CALM2: variants seen among roughly 807,000 people sequenced by gnomAD.
CALM2 encodes calmodulin-2.
Under a neutral mutation model 19.8 loss-of-function variants are expected in CALM2, and 2 were observed. The observed-to-expected ratio is 0.10, with a 90% CI of 0.04 to 0.32. CALM2 has a LOEUF of 0.32. Ranked by LOEUF, CALM2 falls within the 10% of genes least tolerant of loss-of-function variation. The pLI is 1.00. For synonymous variants in CALM2, 51 were observed against 52.1 expected, an observed-to-expected ratio of 0.98 and a Z score of 0.09; for missense variants, 38 against 178.7, an observed-to-expected ratio of 0.21 and a Z score of 4.49.
intron 1 of CALM2, chr2:47,173,095 G>C (rs2103850335): frequency 6.6e-6 from 1 of 152,288 alleles, no homozygotes; most frequent in East Asian, 1.9e-4. Flanking sequence ...GGAAGGTTGA[G>C]AAGCTTTTTG....
At chr2:47,165,527 G>T (rs1266263251) in intron 2 of CALM2, among the ~76,000 whole-genome samples, 1 of 152,098 alleles carries the variant, frequency 6.6e-6, no homozygotes, top group Non-Finnish European at 1.5e-5. Context: ...AAAACTGCAT[G>T]GAAAAACTCT....
rs1375374729 is a variant in CALM2 at position 47,161,753 on chromosome 2, T to G, written c.391A>C (p.Ile131Leu). ...TAGTTTACTTGACCATCACCATCAA[T>G]ATCTGCTTCCCTGATCATTTCATCA... ...EVDEMIREAD[I>L]DGDGQVNYEE... Residue 131 changes from isoleucine (I) to leucine (L), a missense_variant, in exon 5 of 6, where the codon ATT becomes CTT. Coordinates refer to ENST00000272298, the MANE Select transcript of CALM2 (RefSeq NM_001743.6). The G allele has an allele frequency of 6.2e-7, 1 of 1,612,152 alleles. No individual in the cohort carries two copies. Among genetic ancestry groups the G allele is most frequent in the African/African-American group, 1.3e-5 (1 of 74,792 alleles).
chr2:47,176,052 T>C (rs1666855887), intron 1 of CALM2, among the ~76,000 whole-genome samples: 1 of 152,102 alleles, frequency 6.6e-6, no homozygotes, highest in East Asian at 1.9e-4. Flanking sequence ...GTGGATTGAA[T>C]TCGCCCCCTG....
intron 4 of CALM2, 81 bp downstream of exon 4, chr2:47,162,189 AAAAAAAAAAAACAACC>A (rs1272994120): frequency 1.1e-5 from 5 of 470,360 alleles, no homozygotes; most frequent in African/African-American, 4.3e-5. Context: ...AAAAAAAAAA[AAAAAAAAAAAACAACC>A]AAAAAAACAC....
chr2:47,171,487 G>A (rs1666666550), intron 1 of CALM2: 1 of 152,142 alleles, frequency 6.6e-6, no homozygotes. Flanking sequence ...ATGAGGCTAG[G>A]GTTAAGTGGG....
intron 2 of CALM2, among the ~76,000 whole-genome samples, chr2:47,170,137 C>A (rs1419094347): frequency 7.2e-5 from 11 of 152,118 alleles, no homozygotes; most frequent in Non-Finnish European, 1.6e-4. Flanking sequence ...CCATAGCAAA[C>A]TAAAAGGGAC....
intron 2 of CALM2, chr2:47,167,814 C>CCTTTTTTTTTTTTTTTTTTTTTTTTTTTT (rs775532408): frequency 1.9e-4 from 18 of 96,474 alleles, no homozygotes; most frequent in African/African-American, 1.0e-3. Flanking sequence ...TTTTTCTTTT[C>CCTTTTTTTTTTTTTTTTTTTTTTTTTTTT]TTTGAGACAG....
chr2:47,171,066 T>C (rs1666650010), intron 1 of CALM2: 4 of 268,912 alleles, frequency 1.5e-5, no homozygotes, highest in Non-Finnish European at 2.8e-5. Context: ...TCACTTCTAT[T>C]CCAGATATAA....
In CALM2 at chr2:47,162,510, A is replaced by T; in HGVS notation, c.178+9T>A. On this transcript the variant is annotated intron_variant, in intron 3 of 5. Coordinates refer to ENST00000272298, the MANE Select transcript of CALM2 (RefSeq NM_001743.6). ...AACCCCTCCCAGCCCCACAAAATTG[A>T]AGACTTACCATCAGCATCTACTTCA... The T allele has an allele frequency of 6.2e-7, 1 of 1,614,094 alleles. No homozygotes were observed. The highest frequency in any genetic ancestry group is 8.5e-7 in the Non-Finnish European group (1 of 1,179,974).
At chr2:47,165,859 C>T (rs1397360180) in intron 2 of CALM2, among the ~76,000 whole-genome samples, 1 of 152,226 alleles carries the variant, frequency 6.6e-6, no homozygotes, top group Non-Finnish European at 1.5e-5. Flanking sequence ...TTAACTCTTT[C>T]AGTCTGAAAT....
intron 2 of CALM2, among the ~76,000 whole-genome samples, chr2:47,168,878 A>C (rs1666577143): frequency 6.6e-6 from 1 of 152,030 alleles, no homozygotes; most frequent in African/African-American, 2.4e-5. Context: ...CCCAGGTTCA[A>C]GTGATTCTCC....
intron 1 of CALM2, chr2:47,174,043 G>A (rs1666764658): frequency 6.6e-6 from 1 of 152,058 alleles, no homozygotes; most frequent in South Asian, 2.1e-4. Context: ...AACAGGCGTT[G>A]GCACTTATAA....
Position 47,160,812 on chromosome 2 carries a change from AG to A in CALM2, c.422-9del. 2 of 1,491,900 alleles carry A rather than the reference AG, an allele frequency of 1.3e-6. No individual in the cohort carries two copies. The highest frequency in any genetic ancestry group is 4.6e-5 in the East Asian group (2 of 43,092). 92.4% of individuals were successfully genotyped at this position (1,491,900 alleles called of 1,614,324 possible). A position where few individuals can be genotyped will look rare whatever the true frequency, so the allele number is the denominator to read the frequency against. Reference sequence around the variant, plus strand: ...TCATCATTTGTACAAACTCTGAAAAAGAAGAAGTACACAAAAAATGAGTCAA... The same window carrying A: ...TCATCATTTGTACAAACTCTGAAAAAAAGAAGTACACAAAAAATGAGTCAA... On this transcript the variant is annotated splice_polypyrimidine_tract_variant and intron_variant, in intron 5 of 5. Coordinates refer to ENST00000272298, the MANE Select transcript of CALM2 (RefSeq NM_001743.6).
chr2:47,176,360 G>A (rs1413098670), intron 1 of CALM2, 81 bp downstream of exon 1: 19 of 1,544,552 alleles, frequency 1.2e-5, no homozygotes, highest in East Asian at 2.3e-5. Flanking sequence ...TGTAAGGGAG[G>A]CGAGTTTCCT....
At chr2:47,162,441 C>A (rs1170487195) in intron 3 of CALM2, 49 bp from the exon 4 acceptor site, 1 of 1,607,106 alleles carries the variant, frequency 6.2e-7, no homozygotes. Flanking sequence ...AACATATAAG[C>A]AAACAGCAAA....
At chr2:47,166,722 G>A (rs924595754) in intron 2 of CALM2, among the ~76,000 whole-genome samples, 5 of 152,022 alleles carry the variant, frequency 3.3e-5, no homozygotes, top group South Asian at 2.1e-4. Flanking sequence ...CAGAACTAGC[G>A]TAATCTTTAT....
At chr2:47,166,318 A>G (rs1266919542) in intron 2 of CALM2, among the ~76,000 whole-genome samples, 1 of 152,228 alleles carries the variant, frequency 6.6e-6, no homozygotes, top group Non-Finnish European at 1.5e-5. Context: ...ATTCTCTGCT[A>G]TGGGTATCTT....
At chr2:47,175,438 T>C (rs937715800) in intron 1 of CALM2, among the ~76,000 whole-genome samples, 3 of 152,158 alleles carry the variant, frequency 2.0e-5, no homozygotes, top group Non-Finnish European at 4.4e-5. Flanking sequence ...CCTGCTTCCC[T>C]CCGGCGGTGA....
chr2:47,174,827 G>C (rs992866508), intron 1 of CALM2, among the ~76,000 whole-genome samples: 1 of 151,958 alleles, frequency 6.6e-6, no homozygotes, highest in Non-Finnish European at 1.5e-5. Flanking sequence ...GAAAGCAAAT[G>C]TAACCAGCAC....
Sources: allele counts gnomAD v4.1 joint callset (sites outside exome capture counted in the v4.1 genomes callset), GRCh38; gene constraint gnomAD v4.1.1; transcripts MANE v1.5; gene names NCBI Gene and HGNC (gene_info 2026-07-23, HGNC 2026-07-21).